The following MICOS10 variants were observed in gnomAD, a reference collection of about 807,000 sequenced individuals.
MICOS10 encodes the protein MICOS complex subunit MIC10.
A neutral mutation model predicts 13.4 loss-of-function variants in MICOS10; 5 were observed. The observed-to-expected ratio is 0.37, with a 90% confidence interval of 0.20 to 0.78. MICOS10 has a LOEUF of 0.78. Ranked by LOEUF, MICOS10 falls within the 30% of genes least tolerant of loss-of-function variation. The pLI, the probability that MICOS10 is intolerant of heterozygous loss-of-function variation, is 0.47. For missense variants in MICOS10, 101 were observed against 94.6 expected, an observed-to-expected ratio of 1.07 and a Z score of -0.28; for synonymous variants, 35 against 33.6, an observed-to-expected ratio of 1.04 and a Z score of -0.15.
At chr1:19,597,257 C>A in intron 1 of MICOS10, 148 bp downstream of exon 1, 1 of 809,430 alleles carries the variant, frequency 1.2e-6, no homozygotes, top group Non-Finnish European at 1.9e-6. Flanking sequence ...GCCGCCCGGG[C>A]CCCGGCGGGA....
intron 1 of MICOS10, chr1:19,597,928 G>C (rs2094799169): frequency 6.6e-6 from 1 of 152,202 alleles, no homozygotes; most frequent in Non-Finnish European, 1.5e-5. Flanking sequence ...CTGGGGTCAA[G>C]TCCCATGTTC....
intron 1 of MICOS10, among the ~76,000 whole-genome samples, chr1:19,618,754 C>T (rs1239282268): frequency 6.6e-6 from 1 of 152,228 alleles, no homozygotes; most frequent in Non-Finnish European, 1.5e-5. Context: ...TCCTTTCTTT[C>T]AGACATGTAA....
At chr1:19,620,348 A>G (rs2094898802) in intron 1 of MICOS10, among the ~76,000 whole-genome samples, 1 of 152,262 alleles carries the variant, frequency 6.6e-6, no homozygotes, top group African/African-American at 2.4e-5. Flanking sequence ...AGAATTGTGC[A>G]TGTGAGAACT....
chr1:19,602,590 C>T (rs1245799723), intron 1 of MICOS10, among the ~76,000 whole-genome samples: 1 of 152,220 alleles, frequency 6.6e-6, no homozygotes, highest in East Asian at 1.9e-4. Flanking sequence ...AAGAATATTA[C>T]ATTTTATGAA....
Position 19,626,392 on chromosome 1 carries a change from G to A in MICOS10, c.228G>A (p.Gln76=). 2.5e-6 allele frequency: 4 copies of A among 1,613,976 alleles called. No homozygotes were observed. Among genetic ancestry groups the A allele is most frequent in the Non-Finnish European group, 2.5e-6 (3 of 1,179,854 alleles). Residue 76 remains glutamine (Q), a synonymous_variant, in exon 4 of 4, where the codon CAG becomes CAA. Coordinates refer to ENST00000322753, the MANE Select transcript of MICOS10 (RefSeq NM_001032363.4). ...TGAATGTCCTTGCTTTACAGGAGCA[G>A]GAGCAGTGACTTCACCTGAGAACAT... The part of the protein sequence containing the change: ...YLLHGKYVKE[Q]EQ
intron 1 of MICOS10, among the ~76,000 whole-genome samples, chr1:19,615,999 A>ACC (rs2094882982): frequency 6.6e-6 from 1 of 151,618 alleles, no homozygotes; most frequent in Non-Finnish European, 1.5e-5. Flanking sequence ...GTTTACTGCA[A>ACC]TCTTCGCCTC....
At position 19,608,561 on chromosome 1, in the gene MICOS10, G is replaced by C. The variant is rs538168743; in HGVS notation, c.64+11452G>C. The C allele has an allele frequency of 7.8e-6, 7 of 902,792 alleles. No homozygotes were observed. In the South Asian group the frequency reaches 9.1e-5, roughly 12 times the overall value. 55.9% of individuals were successfully genotyped at this position (902,792 alleles called of 1,614,324 possible). A position where few individuals can be genotyped will look rare whatever the true frequency, so the allele number is the denominator to read the frequency against. On this transcript the variant is annotated intron_variant, in intron 1 of 3. Transcript: ENST00000322753. ...CAGGAAGGGGGTCACCGTGGTCGCC[G>C]TCTGTGAACAAGATTCCTCAAAATA...
chr1:19,626,293 T>G, intron 3 of MICOS10, 94 bp from the exon 4 acceptor site: 1 of 1,492,146 alleles, frequency 6.7e-7, no homozygotes, highest in Non-Finnish European at 9.3e-7. Flanking sequence ...AGGTTTTGGC[T>G]TCTGGCCCTT....
chr1:19,601,009 T>C, intron 1 of MICOS10: 1 of 1,289,332 alleles, frequency 7.8e-7, no homozygotes, highest in South Asian at 1.2e-5. Flanking sequence ...ATACCTAAAG[T>C]GTTTTGCTTC....
At chr1:19,608,297 G>A in intron 1 of MICOS10, 4 of 1,339,866 alleles carry the variant, frequency 3.0e-6, no homozygotes, top group Non-Finnish European at 4.3e-6. Flanking sequence ...TGGGATGAAG[G>A]TGAAGGCAGA....
chr1:19,620,309 C>A (rs943091466), intron 1 of MICOS10, among the ~76,000 whole-genome samples: 1 of 152,210 alleles, frequency 6.6e-6, no homozygotes, highest in Non-Finnish European at 1.5e-5. Flanking sequence ...GGTGGGACTT[C>A]TTTGAAGCAA....
At chr1:19,607,763 G>T (rs2094840901) in intron 1 of MICOS10, among the ~76,000 whole-genome samples, 1 of 152,196 alleles carries the variant, frequency 6.6e-6, no homozygotes, top group African/African-American at 2.4e-5. Context: ...ATCCAAAATA[G>T]TCAAACCAAT....
chr1:19,600,056 A>C (rs756951164), intron 1 of MICOS10, among the ~76,000 whole-genome samples: 8 of 152,098 alleles, frequency 5.3e-5, no homozygotes, highest in Non-Finnish European at 1.2e-4. Flanking sequence ...CAGGGAATTG[A>C]CGTAATATAT....
intron 1 of MICOS10, among the ~76,000 whole-genome samples, chr1:19,616,330 A>T (rs931902138): frequency 1.2e-4 from 18 of 152,230 alleles, no homozygotes; most frequent in Non-Finnish European, 2.5e-4. Context: ...TTTCACAAGG[A>T]TGAGAATCCA....
chr1:19,601,128 C>A, intron 1 of MICOS10: 1 of 695,288 alleles, frequency 1.4e-6, no homozygotes, highest in Non-Finnish European at 2.2e-6. Context: ...TTTCTTAAGC[C>A]TGTACTTTAG....
chr1:19,597,029 A>G lies in MICOS10; in HGVS notation c.-17A>G. The G allele has an allele frequency of 6.3e-7, 1 of 1,575,564 alleles. No individual in the cohort carries two copies. Among genetic ancestry groups the G allele is most frequent in the South Asian group, 1.1e-5 (1 of 87,314 alleles). ...GGGGGCCGGCCGAGAGGAAAGCTGG[A>G]GGCGCGGGTGGGGAACATGTCTGAG... On this transcript the variant is annotated 5_prime_UTR_variant, in exon 1 of 4. Coordinates refer to ENST00000322753, the MANE Select transcript of MICOS10 (RefSeq NM_001032363.4).
At chr1:19,611,585 G>A (rs1570484782) in intron 1 of MICOS10, among the ~76,000 whole-genome samples, 1 of 147,384 alleles carries the variant, frequency 6.8e-6, no homozygotes, top group South Asian at 2.1e-4. Context: ...GTGACGTCCT[G>A]CCTGGGCCTC....
intron 1 of MICOS10, among the ~76,000 whole-genome samples, chr1:19,613,787 C>T (rs1185259938): frequency 2.6e-5 from 4 of 152,252 alleles, no homozygotes; most frequent in South Asian, 4.1e-4. Flanking sequence ...TAGCTTCCTA[C>T]GTCTGTGAGG....
chr1:19,601,948 A>G (rs1038217523), intron 1 of MICOS10, among the ~76,000 whole-genome samples: 1 of 152,148 alleles, frequency 6.6e-6, no homozygotes, highest in Non-Finnish European at 1.5e-5. Flanking sequence ...TACATTGCCT[A>G]GTTCATCTAT....
Sources: gnomAD v4.1 joint callset for allele counts (sites outside exome capture counted in the v4.1 genomes callset) on GRCh38, gnomAD v4.1.1 for gene constraint, MANE v1.5 for transcripts, NCBI Gene and HGNC (gene_info 2026-07-23, HGNC 2026-07-21) for gene names.